The following EPHB1 variants were observed in gnomAD, a reference collection of about 807,000 sequenced individuals.
The protein encoded by EPHB1 is ephrin type-B receptor 1.
EPHB1 carries 30 observed loss-of-function variants against 94.4 expected under a neutral mutation model. That is an observed-to-expected ratio of 0.32 (90% CI 0.24 to 0.43). The LOEUF (loss-of-function observed/expected upper bound fraction) is 0.43, where lower values mean the gene tolerates loss of function less well. Ranked by LOEUF, EPHB1 falls within the 20% of genes least tolerant of loss-of-function variation. EPHB1 has a pLI of 1.00. For synonymous variants in EPHB1, 522 were observed against 489.1 expected, an observed-to-expected ratio of 1.07 and a Z score of -0.89; for missense variants, 1,055 against 1,308.3, an observed-to-expected ratio of 0.81 and a Z score of 2.99.
At chr3:134,941,852 T>A (rs964924346) in intron 2 of EPHB1, among the ~76,000 whole-genome samples, 16 of 150,960 alleles carry the variant, frequency 1.1e-4, no homozygotes, top group Admixed American at 4.6e-4. Flanking sequence ...CAACAGGCAC[T>A]CTAGCAATAG....
At chr3:134,828,699 A>C (rs905483176) in intron 1 of EPHB1, among the ~76,000 whole-genome samples, 2 of 152,066 alleles carry the variant, frequency 1.3e-5, no homozygotes, top group African/African-American at 4.8e-5. Flanking sequence ...CCTTTGAGGG[A>C]CACTTGGGGA....
At chr3:135,023,736 G>A (rs923729987) in intron 3 of EPHB1, among the ~76,000 whole-genome samples, 1 of 152,096 alleles carries the variant, frequency 6.6e-6, no homozygotes, top group Admixed American at 6.5e-5. Context: ...GTGTCAATTT[G>A]TAGTATATGC....
Position 134,951,621 on chromosome 3 carries a change from A to T in EPHB1, c.374A>T (p.Lys125Met). ...YETDSVIATK[K>M]SAFWSEAPYL... ...ACTGACTCTGTCATTGCCACCAAGA[A>T]GTCAGCCTTCTGGTCTGAGGCCCCC... is the stretch of plus-strand genomic sequence containing the variant. The change falls in exon 3 of 16, where the codon AAG (lysine) becomes ATG (methionine). Residue 125 changes from lysine (K) to methionine (M), a missense_variant. Transcript: ENST00000398015. The surrounding 1 kb of genome is among the most constrained non-coding windows in gnomAD (Gnocchi z 4.5). The T allele has an allele frequency of 6.2e-7, 1 of 1,614,102 alleles. No homozygotes were observed. The highest frequency in any genetic ancestry group is 1.7e-5 in the Admixed American group (1 of 60,030).
chr3:134,982,259 C>T (rs1333635609), intron 3 of EPHB1, among the ~76,000 whole-genome samples: 1 of 152,066 alleles, frequency 6.6e-6, no homozygotes, highest in Non-Finnish European at 1.5e-5. Context: ...AGATAGAAAT[C>T]ATCCAGTGAT....
At chr3:135,212,895 G>A (rs919639625) in intron 12 of EPHB1, among the ~76,000 whole-genome samples, 4 of 152,098 alleles carry the variant, frequency 2.6e-5, no homozygotes, top group Non-Finnish European at 5.9e-5. Flanking sequence ...GAAACATACT[G>A]GACACCAAAA....
chr3:135,000,311 G>T (rs537749175), intron 3 of EPHB1, among the ~76,000 whole-genome samples: 109 of 152,316 alleles, frequency 7.2e-4, no homozygotes, highest in Non-Finnish European at 1.2e-3. Context: ...CACCATAGAG[G>T]TGATGAGGCA....
At chr3:135,042,714 A>G (rs1192180513) in intron 3 of EPHB1, among the ~76,000 whole-genome samples, 1 of 152,208 alleles carries the variant, frequency 6.6e-6, no homozygotes, top group Non-Finnish European at 1.5e-5. Flanking sequence ...GACTCTAGGT[A>G]GGTAAGGTGC....
chr3:134,798,233 G>A (rs2035868228), intron 1 of EPHB1, among the ~76,000 whole-genome samples: 1 of 152,228 alleles, frequency 6.6e-6, no homozygotes, highest in Non-Finnish European at 1.5e-5. Flanking sequence ...CGGGCCCTCA[G>A]CCCAGGCCAG....
chr3:134,979,903 A>G (rs1158946332), intron 3 of EPHB1, among the ~76,000 whole-genome samples: 1 of 152,102 alleles, frequency 6.6e-6, no homozygotes, highest in African/African-American at 2.4e-5. Context: ...TCTCTCCCTT[A>G]ATCAGTTTTT....
chr3:135,184,161 T>G (rs1942267710), intron 10 of EPHB1, among the ~76,000 whole-genome samples: 2 of 151,842 alleles, frequency 1.3e-5, no homozygotes, highest in East Asian at 1.9e-4. Context: ...TGCCTGGAGG[T>G]GATGGGGAGT....
intron 3 of EPHB1, among the ~76,000 whole-genome samples, chr3:135,105,321 C>G (rs1420425884): frequency 2.6e-5 from 4 of 152,158 alleles, no homozygotes; most frequent in Non-Finnish European, 4.4e-5. Context: ...TCAGCAGGAA[C>G]AGTAAATGTT....
intron 1 of EPHB1, among the ~76,000 whole-genome samples, chr3:134,889,433 G>A (rs1454108162): frequency 3.9e-5 from 6 of 152,150 alleles, no homozygotes; most frequent in Non-Finnish European, 7.4e-5. Context: ...ACGAGGTGAA[G>A]ACTGACAAGC....
chr3:135,030,126 T>C (rs1302790525), intron 3 of EPHB1, among the ~76,000 whole-genome samples: 2 of 151,730 alleles, frequency 1.3e-5, no homozygotes, highest in African/African-American at 4.9e-5. Flanking sequence ...TACATTCTTC[T>C]AAATTTTTTT....
chr3:135,089,659 G>A (rs1480382819), intron 3 of EPHB1, among the ~76,000 whole-genome samples: 2 of 152,146 alleles, frequency 1.3e-5, no homozygotes, highest in Non-Finnish European at 2.9e-5. Context: ...CAGGAGAGCA[G>A]GACCCTTCCT....
At chr3:135,208,044 C>A (rs1001107984) in intron 12 of EPHB1, among the ~76,000 whole-genome samples, 5 of 152,156 alleles carry the variant, frequency 3.3e-5, no homozygotes, top group African/African-American at 1.2e-4. Context: ...CATAAACATT[C>A]AATCTACAGC....
chr3:135,150,389 G>A (rs6810117), intron 5 of EPHB1, among the ~76,000 whole-genome samples: 19,833 of 152,204 alleles, frequency 0.13, 1,393 homozygotes, highest in Middle Eastern at 0.2. Flanking sequence ...GATCTGGACT[G>A]ATTCCAGAAA....
intron 3 of EPHB1, among the ~76,000 whole-genome samples, chr3:134,980,475 T>A (rs1934360878): frequency 6.6e-6 from 1 of 151,680 alleles, no homozygotes; most frequent in Non-Finnish European, 1.5e-5. Context: ...ATGGGAAGGG[T>A]GTCAAGAATT....
intron 15 of EPHB1, among the ~76,000 whole-genome samples, chr3:135,256,378 A>G (rs1027593567): frequency 2.0e-5 from 3 of 152,110 alleles, no homozygotes; most frequent in Non-Finnish European, 2.9e-5. Context: ...TTCCATATTT[A>G]GCGCTTCCTT....
chr3:134,973,450 A>C lies in EPHB1; in HGVS notation c.805+21398A>C, dbSNP rs535651604. Among the ~76,000 whole-genome samples, 44 of 29,696 alleles carry C rather than the reference A, an allele frequency of 1.5e-3. No homozygotes were observed. The East Asian group carries it at 0.022, about 15-fold the overall frequency. The allele number at this position is 29,696 out of a possible 152,430, so 19.5% of individuals were successfully genotyped here. A position where few individuals can be genotyped will look rare whatever the true frequency, so the allele number is the denominator to read the frequency against. On this transcript the variant is annotated intron_variant, in intron 3 of 15. Coordinates refer to ENST00000398015, the MANE Select transcript of EPHB1 (RefSeq NM_004441.5). Reference sequence around the variant, plus strand: ...CTTTTTTTTTTTTTTTTTTTTTTTGAGATAGAGTCTCACTCCCGTTGCTCA... The same window carrying C: ...CTTTTTTTTTTTTTTTTTTTTTTTGCGATAGAGTCTCACTCCCGTTGCTCA...
Sources: gnomAD v4.1 joint callset for allele counts (sites outside exome capture counted in the v4.1 genomes callset) on GRCh38, gnomAD v4.1.1 for gene constraint, Gnocchi (gnomAD v3.1) non-coding constraint, MANE v1.5 for transcripts, NCBI Gene and HGNC (gene_info 2026-07-23, HGNC 2026-07-21) for gene names.